WDR7: variants seen among roughly 807,000 people sequenced by gnomAD.
The protein encoded by WDR7 is WD repeat domain 7.
WDR7 carries 46 observed loss-of-function variants against 169.4 expected under a neutral mutation model. The observed-to-expected ratio is 0.27, with a 90% CI of 0.21 to 0.35. The LOEUF (loss-of-function observed/expected upper bound fraction) is 0.35. Among genes scored for constraint, WDR7 ranks in the 10% least tolerant of loss-of-function variants. WDR7 has a pLI of 1.00. For missense variants in WDR7, 1,534 were observed against 1,859.3 expected (o/e 0.83, Z 3.22); for synonymous variants, 612 against 666.8 (o/e 0.92, Z 1.27).
intron 25 of WDR7, 41 bp downstream of exon 25, chr18:56,939,434 A>G (rs1413387888): frequency 4.8e-6 from 7 of 1,451,410 alleles, no homozygotes; most frequent in Non-Finnish European, 6.5e-6. Context: ...AATAATTTTC[A>G]GTAACAAATA....
chr18:56,824,332 T>C (rs1278971003), intron 20 of WDR7, among the ~76,000 whole-genome samples: 1 of 152,236 alleles, frequency 6.6e-6, no homozygotes, highest in Non-Finnish European at 1.5e-5. Flanking sequence ...CTTAATAATA[T>C]GTAGCAATAA....
chr18:56,844,429 A>G (rs2045537904), intron 20 of WDR7, among the ~76,000 whole-genome samples: 1 of 152,198 alleles, frequency 6.6e-6, no homozygotes, highest in Admixed American at 6.6e-5. Context: ...GTGGCTTTTA[A>G]AATGATCCAT....
chr18:56,807,147 CAAAAAAAAAA>C (rs566956902), intron 19 of WDR7, among the ~76,000 whole-genome samples: 1 of 84,196 alleles, frequency 1.2e-5, no homozygotes, highest in African/African-American at 4.0e-5. Context: ...TGATCCTAGC[CAAAAAAAAAA>C]AAAAAAAAAA....
intron 19 of WDR7, among the ~76,000 whole-genome samples, chr18:56,813,196 TA>T (rs112941474): frequency 0.18 from 25,855 of 146,708 alleles, 2,803 homozygotes; most frequent in African/African-American, 0.32. Context: ...AAAAAAACAT[TA>T]AAAAAAAAAA....
At chr18:56,990,458 AAAAC>A (rs879556962) in intron 26 of WDR7, among the ~76,000 whole-genome samples, 1 of 152,224 alleles carries the variant, frequency 6.6e-6, no homozygotes, top group Non-Finnish European at 1.5e-5. Context: ...AGTTACATTA[AAAAC>A]AAACATCCTA....
chr18:56,911,070 C>T (rs1175167727), intron 21 of WDR7, among the ~76,000 whole-genome samples: 1 of 152,152 alleles, frequency 6.6e-6, no homozygotes, highest in East Asian at 1.9e-4. Flanking sequence ...ACACCAGCAC[C>T]CCTTTCATCC....
chr18:56,963,233 G>A lies in WDR7; in HGVS notation c.4164+704G>A, dbSNP rs76367365. On this transcript the variant is annotated intron_variant, in intron 26 of 27. Transcript: ENST00000254442. ...AGTCGCACTGTTACTTCACAAAATC[G>A]GGGTTAGGCTCCACCATGATCATGG... Among the ~76,000 whole-genome samples the A allele has an allele frequency of 2.8e-4, 43 of 152,126 alleles. No homozygotes were observed. The East Asian group carries it at 6.0e-3, about 21-fold the overall frequency.
At chr18:56,776,507 G>T (rs1433626879) in intron 16 of WDR7, among the ~76,000 whole-genome samples, 1 of 152,040 alleles carries the variant, frequency 6.6e-6, no homozygotes, top group Admixed American at 6.6e-5. Context: ...AGTTGTTTTA[G>T]AGCTATGTTT....
At chr18:56,892,492 A>G (rs554278112) in intron 21 of WDR7, among the ~76,000 whole-genome samples, 1 of 152,214 alleles carries the variant, frequency 6.6e-6, no homozygotes, top group Non-Finnish European at 1.5e-5. Context: ...TCAGCAAACC[A>G]TAACTGTATG....
chr18:56,855,870 C>T (rs1277062806), intron 20 of WDR7, among the ~76,000 whole-genome samples: 2 of 152,126 alleles, frequency 1.3e-5, no homozygotes, highest in Admixed American at 1.3e-4. Context: ...CACTTGTGCA[C>T]CTGTTTCTAT....
At chr18:56,832,334 C>T (rs528280354) in intron 20 of WDR7, among the ~76,000 whole-genome samples, 42 of 152,336 alleles carry the variant, frequency 2.8e-4, no homozygotes, top group Middle Eastern at 3.4e-3. Context: ...AAAGCAGCAG[C>T]CCCACTCAGA....
chr18:56,983,780 G>A (rs996577093), intron 26 of WDR7, among the ~76,000 whole-genome samples: 12 of 152,044 alleles, frequency 7.9e-5, no homozygotes, highest in Non-Finnish European at 1.3e-4. Context: ...GTAAATAATT[G>A]TCAGTGAAAA....
At chr18:56,772,334 A>G (rs963966177) in intron 16 of WDR7, among the ~76,000 whole-genome samples, 2 of 152,152 alleles carry the variant, frequency 1.3e-5, no homozygotes, top group African/African-American at 4.8e-5. Context: ...GTGACCTGAC[A>G]TGGTCATCAG....
At chr18:56,844,039 T>G (rs1274490028) in intron 20 of WDR7, among the ~76,000 whole-genome samples, 3 of 151,972 alleles carry the variant, frequency 2.0e-5, no homozygotes, top group African/African-American at 7.3e-5. Context: ...ATTTTTGTAT[T>G]TTTAGTAGAG....
chr18:57,008,433 C>A (rs905384028), intron 26 of WDR7, among the ~76,000 whole-genome samples: 1 of 152,230 alleles, frequency 6.6e-6, no homozygotes, highest in Non-Finnish European at 1.5e-5. Context: ...GGCTTATAGC[C>A]TGGCCATAGC....
chr18:56,974,024 T>TTGG (rs1253927398), intron 26 of WDR7, among the ~76,000 whole-genome samples: 1 of 152,230 alleles, frequency 6.6e-6, no homozygotes, highest in African/African-American at 2.4e-5. Flanking sequence ...GTCTCCATTG[T>TTGG]TGGTCCATTG....
At chr18:56,758,478 A>C (rs1361957919) in intron 15 of WDR7, among the ~76,000 whole-genome samples, 1 of 152,188 alleles carries the variant, frequency 6.6e-6, no homozygotes, top group Non-Finnish European at 1.5e-5. Context: ...TTAATGCCTG[A>C]AGACTGTTTT....
At chr18:56,658,226 C>T (rs1262542422) in intron 1 of WDR7, among the ~76,000 whole-genome samples, 8 of 152,102 alleles carry the variant, frequency 5.3e-5, no homozygotes, top group Non-Finnish European at 8.8e-5. Flanking sequence ...GCCTCAGCCT[C>T]CCAAGTAGCT....
chr18:57,021,477 T>C (rs1483963842), intron 27 of WDR7, among the ~76,000 whole-genome samples: 26 of 152,238 alleles, frequency 1.7e-4, no homozygotes, highest in Admixed American at 1.7e-3. Context: ...CATTTTTCTT[T>C]GCATTCTGAA....
Sources: allele counts gnomAD v4.1 joint callset (sites outside exome capture counted in the v4.1 genomes callset), GRCh38; gene constraint gnomAD v4.1.1; transcripts MANE v1.5; gene names NCBI Gene and HGNC (gene_info 2026-07-23, HGNC 2026-07-21).